The following RSPH14 variants were observed in gnomAD, a reference collection of about 807,000 sequenced individuals.
The protein encoded by RSPH14 is rhabdoid tumor deletion region gene 1.
Under a neutral mutation model 26.7 loss-of-function variants are expected in RSPH14, and 20 were observed. That is an observed-to-expected ratio of 0.75 (90% CI 0.53 to 1.09). RSPH14 has a LOEUF of 1.09. Among genes scored for constraint, RSPH14 ranks in the 50% least tolerant of loss-of-function variants. The pLI is 0.00. For missense variants in RSPH14, 449 were observed against 457.2 expected, an observed-to-expected ratio of 0.98 and a Z score of 0.16; for synonymous variants, 177 against 189.3, an observed-to-expected ratio of 0.93 and a Z score of 0.53.
intron 4 of RSPH14, among the ~76,000 whole-genome samples, chr22:23,084,318 G>A (rs1455526891): frequency 1.3e-5 from 2 of 152,152 alleles, no homozygotes; most frequent in Admixed American, 6.5e-5. Context: ...CTGTCAGTAC[G>A]GTATTCAGTA....
the RSPH14 span, chr22:23,150,217 G>A: frequency 7.0e-5 from 91 of 1,295,840 alleles, no homozygotes; most frequent in Admixed American, 9.7e-5. Context: ...CATGAAGCAC[G>A]TGAAAGAATG....
intron 4 of RSPH14, among the ~76,000 whole-genome samples, chr22:23,120,996 A>G (rs756631): frequency 0.48 from 73,064 of 152,100 alleles, 18,338 homozygotes; most frequent in Middle Eastern, 0.58. Flanking sequence ...ACAGTCCTCT[A>G]TGATGTGGCT....
the RSPH14 span, among the ~76,000 whole-genome samples, chr22:23,179,398 C>T: frequency 3.9e-5 from 6 of 152,190 alleles, no homozygotes; most frequent in African/African-American, 1.4e-4. Flanking sequence ...CTGCAGAGTG[C>T]TCTCCACTGT....
intron 4 of RSPH14, among the ~76,000 whole-genome samples, chr22:23,112,238 C>T (rs2069676754): frequency 2.0e-5 from 3 of 152,228 alleles, no homozygotes; most frequent in Non-Finnish European, 4.4e-5. Context: ...CCTTCTGCTT[C>T]CCCAGCTGCC....
chr22:23,152,167 C>T, the RSPH14 span, among the ~76,000 whole-genome samples: 1 of 152,242 alleles, frequency 6.6e-6, no homozygotes, highest in Non-Finnish European at 1.5e-5. Flanking sequence ...CCTGCCTCTG[C>T]CCCTCCACCT....
the RSPH14 span, among the ~76,000 whole-genome samples, chr22:23,155,762 A>G: frequency 6.6e-6 from 1 of 152,346 alleles, no homozygotes; most frequent in Middle Eastern, 3.4e-3. Flanking sequence ...ACTAGGAATG[A>G]GAGAAGTCCA....
intron 4 of RSPH14, among the ~76,000 whole-genome samples, chr22:23,099,945 C>T (rs752621796): frequency 1.3e-5 from 2 of 152,264 alleles, no homozygotes; most frequent in Non-Finnish European, 2.9e-5. Flanking sequence ...CTCTGCTGGC[C>T]ACCAAATGGT....
At chr22:23,094,548 C>T (rs1174331126) in intron 4 of RSPH14, among the ~76,000 whole-genome samples, 2 of 152,228 alleles carry the variant, frequency 1.3e-5, no homozygotes, top group Non-Finnish European at 1.5e-5. Flanking sequence ...ACGTGCAGCC[C>T]CCAGCTCCTT....
intron 4 of RSPH14, among the ~76,000 whole-genome samples, chr22:23,129,802 C>T (rs1451698448): frequency 3.3e-5 from 5 of 151,828 alleles, no homozygotes; most frequent in African/African-American, 7.3e-5. Context: ...CGCCTGTAGT[C>T]CCAGCTACTC....
At chr22:23,162,507 T>C in the RSPH14 span, 1 of 406,304 alleles carries the variant, frequency 2.5e-6, no homozygotes, top group East Asian at 7.2e-5. Context: ...CATGCACCTT[T>C]AGAGGACTTC....
chr22:23,145,932 C>G (rs1260507536), upstream of RSPH14: 1 of 974,592 alleles, frequency 1.0e-6, no homozygotes, highest in Admixed American at 6.2e-5. Context: ...GGCCCCCAGG[C>G]CCACCTAGAG....
chr22:23,069,096 GA>G (rs1338675817), intron 4 of RSPH14, among the ~76,000 whole-genome samples: 1 of 152,216 alleles, frequency 6.6e-6, no homozygotes, highest in African/African-American at 2.4e-5. Context: ...CACAGAAGAG[GA>G]AACATTCCTA....
chr22:23,180,600 G>A, the RSPH14 span: 7,292 of 174,174 alleles, frequency 0.042, 274 homozygotes, highest in Admixed American at 0.11. Context: ...GCACGGCGGC[G>A]GCGGGGCTGT....
rs1467920584 is a variant in RSPH14, at chr22:23,071,437, T to C, written c.422-7304A>G. On this transcript the variant is annotated intron_variant, in intron 4 of 6. Transcript: ENST00000216036. The surrounding 1 kb of genome is among the most constrained non-coding windows in gnomAD (Gnocchi z 4.1). ...TGTTGGGGTGGAGGGACCCGCCTGG[T>C]AGAGAGGTCTGTCTTGCTTGGGGAG... Among the ~76,000 whole-genome samples, 2 of 152,188 alleles carry C rather than the reference T, an allele frequency of 1.3e-5. No homozygotes were observed. Among genetic ancestry groups the C allele is most frequent in the African/African-American group, 4.8e-5 (2 of 41,454 alleles).
At chr22:23,126,325 C>T (rs887910442) in intron 4 of RSPH14, among the ~76,000 whole-genome samples, 2 of 152,180 alleles carry the variant, frequency 1.3e-5, no homozygotes, top group African/African-American at 2.4e-5. Context: ...AAACCTCAGG[C>T]GCTGTCGACC....
chr22:23,163,082 TG>T, the RSPH14 span: 2 of 240,826 alleles, frequency 8.3e-6, no homozygotes, highest in Non-Finnish European at 1.6e-5. Context: ...TGGCTAATTT[TG>T]TATTTTTAGT....
chr22:23,150,848 C>T, the RSPH14 span, among the ~76,000 whole-genome samples: 2 of 152,180 alleles, frequency 1.3e-5, no homozygotes, highest in African/African-American at 4.8e-5. Context: ...GGGAGGGTAC[C>T]CCTCCTGGGT....
intron 4 of RSPH14, among the ~76,000 whole-genome samples, chr22:23,130,530 A>AAGAAAGAAAG: frequency 8.0e-6 from 1 of 124,506 alleles, no homozygotes; most frequent in South Asian, 2.7e-4. Flanking sequence ...GAAAGAAAGA[A>AAGAAAGAAAG]AGAGAAAGAA....
chr22:23,150,047 GTC>G, the RSPH14 span: 1 of 1,589,650 alleles, frequency 6.3e-7, no homozygotes, highest in African/African-American at 1.3e-5. Context: ...GTGTCCGTCT[GTC>G]TGTCTCTTTG....
Sources: allele counts gnomAD v4.1 joint callset (sites outside exome capture counted in the v4.1 genomes callset), GRCh38; gene constraint gnomAD v4.1.1; non-coding constraint Gnocchi (gnomAD v3.1); transcripts MANE v1.5; gene names NCBI Gene and HGNC (gene_info 2026-07-23, HGNC 2026-07-21).